The following RAE1 variants were observed in gnomAD, a reference collection of about 807,000 sequenced individuals.
The protein encoded by RAE1 is mRNA export factor RAE1.
Under a neutral mutation model 52.7 loss-of-function variants are expected in RAE1, and 13 were observed. That is an observed-to-expected ratio of 0.25 (90% CI 0.16 to 0.39). The LOEUF (loss-of-function observed/expected upper bound fraction) is 0.39, where lower values mean the gene tolerates loss of function less well. Ranked by LOEUF, RAE1 falls within the 10% of genes least tolerant of loss-of-function variation. The pLI, the probability that RAE1 is intolerant of heterozygous loss-of-function variation, is 1.00. For missense variants in RAE1, 262 were observed against 459.8 expected, an observed-to-expected ratio of 0.57 and a Z score of 3.93; for synonymous variants, 164 against 153.1, an observed-to-expected ratio of 1.07 and a Z score of -0.52.
At chr20:57,373,137 C>A in intron 8 of RAE1, 1 of 311,676 alleles carries the variant, frequency 3.2e-6, no homozygotes, top group Non-Finnish European at 6.1e-6. Flanking sequence ...GGGGTGTCTG[C>A]CTAGCCAGGG....
chr20:57,354,142 C>T lies in RAE1; in HGVS notation c.90+14C>T. ...AATCCCATGAAGGTACCACGAAAAG[C>T]TTCCTGGGGCTTGTAGGAAGAGTTT... On this transcript the variant is annotated intron_variant, in intron 2 of 11. Coordinates refer to ENST00000395841, the MANE Select transcript of RAE1 (RefSeq NM_003610.4). 6.2e-7 allele frequency: 1 copy of T among 1,606,846 alleles called. No individual in the cohort carries two copies. The highest frequency in any genetic ancestry group is 8.5e-7 in the Non-Finnish European group (1 of 1,173,934).
At position 57,368,184 on chromosome 20, in the gene RAE1, C is replaced by A. The variant is rs960088413; in HGVS notation, c.535-521C>A. On this transcript the variant is annotated intron_variant, in intron 7 of 11. Transcript: ENST00000395841. ...TACAGGCGTGAGCCACCATGCCCGG[C>A]TGGTCTTTGTTTTATGTAATATAGT... 1.3e-3 allele frequency among the ~76,000 whole-genome samples: 191 copies of A among 152,292 alleles called. 2 individuals are homozygous for A. The highest frequency in any genetic ancestry group is 4.5e-3 in the African/African-American group (186 of 41,550).
intron 4 of RAE1, among the ~76,000 whole-genome samples, chr20:57,361,595 A>C (rs189246400): frequency 1.5e-3 from 228 of 152,302 alleles, no homozygotes; most frequent in African/African-American, 5.2e-3. Flanking sequence ...TCCTTCAACC[A>C]TGAATTAACA....
chr20:57,353,846 T>G (rs2146125094), intron 1 of RAE1, among the ~76,000 whole-genome samples, 186 bp from the exon 2 acceptor site: 1 of 152,366 alleles, frequency 6.6e-6, no homozygotes, highest in Middle Eastern at 3.4e-3. Context: ...TCTGGAAACC[T>G]AAAACTACTC....
chr20:57,351,735 C>T (rs2066712629), intron 1 of RAE1: 2 of 985,416 alleles, frequency 2.0e-6, no homozygotes, highest in Non-Finnish European at 2.4e-6. Context: ...ATGTCAGCTC[C>T]TGGGAGAAGC....
chr20:57,370,406 G>A (rs2067019432), intron 8 of RAE1, among the ~76,000 whole-genome samples: 1 of 152,148 alleles, frequency 6.6e-6, no homozygotes, highest in African/African-American at 2.4e-5. Context: ...ATCCTTGCTG[G>A]CTCTTGGCTG....
chr20:57,370,691 A>G (rs79013159), intron 8 of RAE1, among the ~76,000 whole-genome samples: 6,078 of 152,346 alleles, frequency 0.04, 180 homozygotes, highest in African/African-American at 0.089. Context: ...TACTGCCACC[A>G]GTACCATCTA....
intron 1 of RAE1, among the ~76,000 whole-genome samples, chr20:57,353,179 T>A (rs1410851069): frequency 6.6e-6 from 1 of 152,218 alleles, no homozygotes; most frequent in Non-Finnish European, 1.5e-5. Context: ...TCAGTGTACG[T>A]AACTCCTCGG....
intron 7 of RAE1, among the ~76,000 whole-genome samples, chr20:57,367,515 G>A (rs887840590): frequency 6.6e-6 from 1 of 151,946 alleles, no homozygotes; most frequent in African/African-American, 2.4e-5. Context: ...GGCAAAGGTG[G>A]GTGGATTGCT....
chr20:57,379,041 G>A lies in RAE1; in HGVS notation c.*942G>A, dbSNP rs1449701552. The A allele has an allele frequency of 6.6e-6, 1 of 152,196 alleles. No individual in the cohort carries two copies. The highest frequency in any genetic ancestry group is 1.9e-4 in the East Asian group (1 of 5,196). 9.4% of individuals were successfully genotyped at this position (152,196 alleles called of 1,614,324 possible). ...AAGTGTGACTTTTGGGTCTGTCACT[G>A]TATTTCTCACCTGTGATCTCAAATG... is the stretch of plus-strand genomic sequence containing the variant. On this transcript the variant is annotated 3_prime_UTR_variant, in exon 12 of 12. Transcript: ENST00000395841.
At chr20:57,374,892 C>T (rs2067089058) in intron 11 of RAE1, 91 bp downstream of exon 11, 2 of 1,426,746 alleles carry the variant, frequency 1.4e-6, no homozygotes, top group African/African-American at 1.4e-5. Context: ...TGACTCTTCT[C>T]AGGACTCACG....
At chr20:57,370,214 C>T (rs1209662827) in intron 8 of RAE1, among the ~76,000 whole-genome samples, 1 of 152,186 alleles carries the variant, frequency 6.6e-6, no homozygotes, top group South Asian at 2.1e-4. Flanking sequence ...ACCTTTGCCC[C>T]CCATTGTTCC....
At chr20:57,356,841 C>G (rs1473949212) in intron 4 of RAE1, among the ~76,000 whole-genome samples, 3 of 152,190 alleles carry the variant, frequency 2.0e-5, no homozygotes, top group African/African-American at 7.2e-5. Context: ...AGTGGGCGGG[C>G]CTCCTGGAGC....
chr20:57,375,605 A>AAG (rs2067102606), intron 11 of RAE1, among the ~76,000 whole-genome samples: 1 of 151,974 alleles, frequency 6.6e-6, no homozygotes, highest in Admixed American at 6.5e-5. Context: ...CCTCTGTCTA[A>AAG]GCATGGAAGG....
At chr20:57,365,635 T>A (rs1484370634) in intron 5 of RAE1, among the ~76,000 whole-genome samples, 193 bp downstream of exon 5, 1 of 152,212 alleles carries the variant, frequency 6.6e-6, no homozygotes, top group South Asian at 2.1e-4. Flanking sequence ...TCTTAACTAG[T>A]GTTCACAGAT....
At chr20:57,361,513 G>A (rs368863299) in intron 4 of RAE1, among the ~76,000 whole-genome samples, 53 of 152,236 alleles carry the variant, frequency 3.5e-4, no homozygotes, top group East Asian at 1.9e-3. Flanking sequence ...GGGAGTTTGC[G>A]GATTTATTCG....
intron 10 of RAE1, 105 bp from the exon 11 acceptor site, chr20:57,374,502 G>C (rs547512696): frequency 2.9e-6 from 3 of 1,039,526 alleles, no homozygotes; most frequent in African/African-American, 3.2e-5. Flanking sequence ...GGAAGGAAAT[G>C]TACCTGTGCG....
Position 57,378,695 on chromosome 20 carries a change from C to T in RAE1, c.*596C>T, listed in dbSNP as rs577008008. ...TGTTTTTCCTTGCTTCCCTCATTCC[C>T]ATCTTCAAAATCCCCAGTGCTTTCT... On this transcript the variant is annotated 3_prime_UTR_variant, in exon 12 of 12. Coordinates refer to ENST00000395841, the MANE Select transcript of RAE1 (RefSeq NM_003610.4). 2.6e-5 allele frequency: 4 copies of T among 152,448 alleles called. No individual in the cohort carries two copies. The highest frequency in any genetic ancestry group is 9.6e-5 in the African/African-American group (4 of 41,564). The allele number at this position is 152,448 out of a possible 1,614,324, so 9.4% of individuals were successfully genotyped here.
chr20:57,365,307 A>T (rs1174059836), intron 4 of RAE1, 49 bp from the exon 5 acceptor site: 1 of 1,341,218 alleles, frequency 7.5e-7, no homozygotes, highest in South Asian at 1.2e-5. Flanking sequence ...ATATATAGTT[A>T]AAGATTTAAT....
Sources: allele counts gnomAD v4.1 joint callset (sites outside exome capture counted in the v4.1 genomes callset), GRCh38; gene constraint gnomAD v4.1.1; transcripts MANE v1.5; gene names NCBI Gene and HGNC (gene_info 2026-07-23, HGNC 2026-07-21).